The following ADAMTSL1 variants were observed in gnomAD, a reference collection of about 807,000 sequenced individuals.
The protein encoded by ADAMTSL1 is ADAMTS like 1.
ADAMTSL1 carries 126 observed loss-of-function variants against 201.8 expected under a neutral mutation model. The ratio of observed to expected loss-of-function variants is 0.62; its 90% confidence interval spans 0.54 to 0.72. ADAMTSL1 has a LOEUF of 0.72. Ranked by LOEUF, ADAMTSL1 falls within the 30% of genes least tolerant of loss-of-function variation. The pLI, the probability that ADAMTSL1 is intolerant of heterozygous loss-of-function variation, is 0.00. For synonymous variants in ADAMTSL1, 1,121 were observed against 903.4 expected, an observed-to-expected ratio of 1.24 and a Z score of -4.32; for missense variants, 2,679 against 2,277.8, an observed-to-expected ratio of 1.18 and a Z score of -3.59.
At chr9:18,201,381 A>G (rs1028995126) in intron 2 of ADAMTSL1, among the ~76,000 whole-genome samples, 1 of 152,048 alleles carries the variant, frequency 6.6e-6, no homozygotes, top group African/African-American at 2.4e-5. Flanking sequence ...GTTATGCTAA[A>G]TTTCTTTTTT....
intron 3 of ADAMTSL1, among the ~76,000 whole-genome samples, chr9:18,564,534 G>A (rs937213900): frequency 3.3e-5 from 5 of 152,214 alleles, no homozygotes; most frequent in African/African-American, 1.2e-4. Context: ...AGGAATAGTG[G>A]CAAGGAATTT....
At chr9:18,782,923 G>A (rs553406606) in intron 19 of ADAMTSL1, among the ~76,000 whole-genome samples, 1 of 152,238 alleles carries the variant, frequency 6.6e-6, no homozygotes, top group Non-Finnish European at 1.5e-5. Context: ...GGTATGGGAT[G>A]AGGTTGTGAG....
chr9:18,315,440 A>AG (rs1263013372), intron 2 of ADAMTSL1, among the ~76,000 whole-genome samples: 1 of 150,456 alleles, frequency 6.6e-6, no homozygotes, highest in African/African-American at 2.4e-5. Flanking sequence ...GGGAGTGAGG[A>AG]GGGGGGTGGT....
intron 1 of ADAMTSL1, among the ~76,000 whole-genome samples, chr9:18,023,502 C>T (rs755806370): frequency 6.6e-6 from 1 of 152,184 alleles, no homozygotes; most frequent in Non-Finnish European, 1.5e-5. Context: ...CAAGATCAGC[C>T]ACTTTCTCCA....
intron 2 of ADAMTSL1, among the ~76,000 whole-genome samples, chr9:18,390,065 A>G (rs1236015867): frequency 6.6e-6 from 1 of 152,176 alleles, no homozygotes; most frequent in East Asian, 1.9e-4. Flanking sequence ...TAAAAATTAG[A>G]ATAAGAATAT....
intron 13 of ADAMTSL1, among the ~76,000 whole-genome samples, chr9:18,704,521 G>A (rs1832119555): frequency 6.6e-6 from 1 of 152,136 alleles, no homozygotes; most frequent in African/African-American, 2.4e-5. Context: ...CTAATCATTT[G>A]CTTTTGTGTC....
chr9:18,332,603 A>G (rs1835078084), intron 2 of ADAMTSL1, among the ~76,000 whole-genome samples: 1 of 152,200 alleles, frequency 6.6e-6, no homozygotes, highest in Admixed American at 6.5e-5. Flanking sequence ...GGCGCATGCT[A>G]CCAGACATGG....
intron 13 of ADAMTSL1, among the ~76,000 whole-genome samples, chr9:18,701,471 C>T (rs1488265898): frequency 2.6e-5 from 4 of 152,184 alleles, no homozygotes; most frequent in African/African-American, 9.7e-5. Flanking sequence ...CCGCCCACCT[C>T]AGCCTCCCAA....
rs541781606 is a variant in ADAMTSL1, at chr9:17,993,455, G to A, written c.87+86533G>A. On this transcript the variant is annotated intron_variant, in intron 1 of 29. Coordinates refer to the ADAMTSL1 transcript ENST00000680146. ...ACAAGGAATATAATAAGAGCCTGTC[G>A]TAGTTTACAGTTCTATTCAAATAGA... is the stretch of plus-strand genomic sequence containing the variant. 1.1e-4 allele frequency among the ~76,000 whole-genome samples: 9 copies of A among 84,722 alleles called. No individual in the cohort carries two copies. The South Asian group carries it at 2.5e-3, about 23-fold the overall frequency. The allele number at this position is 84,722 out of a possible 152,430, so 55.6% of individuals were successfully genotyped here. A position where few individuals can be genotyped will look rare whatever the true frequency, so the allele number is the denominator to read the frequency against.
intron 2 of ADAMTSL1, among the ~76,000 whole-genome samples, chr9:18,463,962 A>C (rs555090628): frequency 1.3e-5 from 2 of 152,344 alleles, no homozygotes; most frequent in Admixed American, 1.3e-4. Context: ...TACATTCAGC[A>C]AATGTTCATT....
intron 1 of ADAMTSL1, among the ~76,000 whole-genome samples, chr9:17,960,057 T>A (rs1402563888): frequency 6.6e-6 from 1 of 152,200 alleles, no homozygotes; most frequent in African/African-American, 2.4e-5. Context: ...CCAACACTGA[T>A]GATCTAAGGC....
chr9:18,889,844 G>A (rs922036460), intron 25 of ADAMTSL1, 96 bp downstream of exon 25: 1 of 1,232,368 alleles, frequency 8.1e-7, no homozygotes, highest in Non-Finnish European at 1.1e-6. Flanking sequence ...GCACTGTGCA[G>A]GGAGAGATGC....
intron 2 of ADAMTSL1, among the ~76,000 whole-genome samples, chr9:18,230,029 G>A (rs1830590900): frequency 1.3e-5 from 2 of 152,046 alleles, no homozygotes; most frequent in South Asian, 4.1e-4. Flanking sequence ...AATATTCCAG[G>A]TACTTTATTC....
chr9:18,585,760 G>A (rs1047552476), intron 4 of ADAMTSL1, among the ~76,000 whole-genome samples: 6 of 152,108 alleles, frequency 3.9e-5, no homozygotes, highest in Admixed American at 1.3e-4. Flanking sequence ...TTTAGCATGA[G>A]CAACTAGGCT....
intron 6 of ADAMTSL1, among the ~76,000 whole-genome samples, chr9:18,636,774 G>T (rs749847570): frequency 1.1e-4 from 16 of 152,148 alleles, no homozygotes; most frequent in Non-Finnish European, 2.2e-4. Context: ...GATGGGAGGG[G>T]ATATGGTAGC....
intron 2 of ADAMTSL1, among the ~76,000 whole-genome samples, chr9:18,199,194 G>T (rs908847069): frequency 6.6e-6 from 1 of 151,628 alleles, no homozygotes; most frequent in Non-Finnish European, 1.5e-5. Flanking sequence ...CACCAGCATG[G>T]CACATGTATA....
upstream of ADAMTSL1, among the ~76,000 whole-genome samples, chr9:18,471,040 T>A (rs991070990): frequency 6.6e-6 from 1 of 152,198 alleles, no homozygotes; most frequent in African/African-American, 2.4e-5. Context: ...CCGGTTGCCA[T>A]TAATATGGAT....
chr9:18,905,933 A>G, intron 27 of ADAMTSL1, 42 bp downstream of exon 27: 1 of 1,490,256 alleles, frequency 6.7e-7, no homozygotes, highest in Non-Finnish European at 9.2e-7. Context: ...GCCCCATGTC[A>G]ACAGCACGGA....
intron 2 of ADAMTSL1, among the ~76,000 whole-genome samples, chr9:18,173,600 T>C (rs371710052): frequency 3.5e-4 from 53 of 152,150 alleles, no homozygotes; most frequent in African/African-American, 1.1e-3. Flanking sequence ...ATTCTGCCAT[T>C]TATTCCAAAC....
Sources: gnomAD v4.1 joint callset for allele counts (sites outside exome capture counted in the v4.1 genomes callset) on GRCh38, gnomAD v4.1.1 for gene constraint, MANE v1.5 for transcripts, NCBI Gene and HGNC (gene_info 2026-07-23, HGNC 2026-07-21) for gene names.